The following LRMDA variants were observed in gnomAD, a reference collection of about 807,000 sequenced individuals.
LRMDA encodes the protein leucine rich melanocyte differentiation associated.
Under a neutral mutation model 29.8 loss-of-function variants are expected in LRMDA, and 18 were observed. That is an observed-to-expected ratio of 0.60 (90% confidence interval 0.42 to 0.90). The LOEUF (loss-of-function observed/expected upper bound fraction) is 0.90, where lower values mean the gene tolerates loss of function less well. Ranked by LOEUF, LRMDA falls within the 40% of genes least tolerant of loss-of-function variation. The pLI is 0.00. For missense variants in LRMDA, 273 were observed against 273.9 expected (o/e 1.00, Z 0.02); for synonymous variants, 125 against 109.4 (o/e 1.14, Z -0.89).
At chr10:76,178,200 T>C (rs1158368980) in intron 5 of LRMDA, among the ~76,000 whole-genome samples, 1 of 152,172 alleles carries the variant, frequency 6.6e-6, no homozygotes, top group Non-Finnish European at 1.5e-5. Flanking sequence ...GTGTTGAAAA[T>C]GTAAGCAGGC....
chr10:76,460,509 G>A (rs1267457029), intron 6 of LRMDA, among the ~76,000 whole-genome samples: 1 of 152,228 alleles, frequency 6.6e-6, no homozygotes, highest in Non-Finnish European at 1.5e-5. Flanking sequence ...TGCATGTGGT[G>A]GAGACAGATG....
intron 6 of LRMDA, among the ~76,000 whole-genome samples, chr10:76,435,780 A>T (rs1171063172): frequency 2.6e-5 from 4 of 152,216 alleles, no homozygotes; most frequent in African/African-American, 9.6e-5. Flanking sequence ...AGAAGACATT[A>T]TCCAGAAGCA....
At chr10:75,537,714 G>A (rs1321123624) in intron 2 of LRMDA, among the ~76,000 whole-genome samples, 1 of 152,228 alleles carries the variant, frequency 6.6e-6, no homozygotes, top group Non-Finnish European at 1.5e-5. Context: ...TGACTGGGTG[G>A]AGTGAGTACC....
chr10:75,976,181 C>A (rs769117727), intron 2 of LRMDA, among the ~76,000 whole-genome samples: 3 of 152,262 alleles, frequency 2.0e-5, no homozygotes, highest in Non-Finnish European at 4.4e-5. Flanking sequence ...CCCTGCAGAA[C>A]TCTCTCTACT....
chr10:76,106,284 A>T (rs924382486), intron 5 of LRMDA, among the ~76,000 whole-genome samples: 3 of 152,184 alleles, frequency 2.0e-5, no homozygotes, highest in Non-Finnish European at 2.9e-5. Context: ...GGTATGGTCC[A>T]TTTTTGCAGT....
At chr10:76,196,068 C>G (rs1182778667) in intron 5 of LRMDA, among the ~76,000 whole-genome samples, 1 of 152,154 alleles carries the variant, frequency 6.6e-6, no homozygotes, top group South Asian at 2.1e-4. Context: ...CTAAGAGGAC[C>G]TTTTCATTGT....
At chr10:75,934,682 G>A (rs1347590081) in intron 2 of LRMDA, among the ~76,000 whole-genome samples, 2 of 152,088 alleles carry the variant, frequency 1.3e-5, no homozygotes, top group African/African-American at 4.8e-5. Flanking sequence ...CAGCAGGATG[G>A]GCACTCTCGG....
At chr10:76,153,286 G>T (rs1850480508) in intron 5 of LRMDA, among the ~76,000 whole-genome samples, 1 of 151,996 alleles carries the variant, frequency 6.6e-6, no homozygotes, top group Non-Finnish European at 1.5e-5. Context: ...TGGTTTCTTG[G>T]TAGTATTTCT....
intron 5 of LRMDA, among the ~76,000 whole-genome samples, chr10:76,201,688 T>A (rs1375967688): frequency 6.6e-6 from 1 of 152,202 alleles, no homozygotes; most frequent in Non-Finnish European, 1.5e-5. Context: ...GTGTCAAATA[T>A]TTTTCAGGTC....
intron 2 of LRMDA, among the ~76,000 whole-genome samples, chr10:75,734,312 A>C (rs1246763288): frequency 3.9e-5 from 6 of 152,138 alleles, no homozygotes. Flanking sequence ...CGTAGAGAAA[A>C]CAATCACCGG....
intron 5 of LRMDA, among the ~76,000 whole-genome samples, chr10:76,248,380 A>G (rs1391728286): frequency 4.6e-5 from 7 of 152,214 alleles, no homozygotes. Context: ...TAACATATCT[A>G]GGCAATACTT....
intron 2 of LRMDA, among the ~76,000 whole-genome samples, chr10:75,925,713 C>G (rs537068862): frequency 1.4e-4 from 21 of 145,466 alleles, no homozygotes; most frequent in Non-Finnish European, 2.7e-4. Context: ...AGTGCAGTGA[C>G]ACAGTCTCGG....
At chr10:75,620,344 C>T (rs774449007) in intron 2 of LRMDA, among the ~76,000 whole-genome samples, 6 of 152,190 alleles carry the variant, frequency 3.9e-5, no homozygotes, top group Non-Finnish European at 8.8e-5. Flanking sequence ...GTAGACAGAA[C>T]ATTTCATTAA....
At chr10:75,874,129 T>G (rs1845157721) in intron 2 of LRMDA, among the ~76,000 whole-genome samples, 1 of 152,172 alleles carries the variant, frequency 6.6e-6, no homozygotes, top group South Asian at 2.1e-4. Flanking sequence ...GAAAGAGGCT[T>G]CAATGAAGGG....
intron 2 of LRMDA, among the ~76,000 whole-genome samples, chr10:75,594,238 G>A (rs779931275): frequency 2.0e-5 from 3 of 152,276 alleles, no homozygotes; most frequent in South Asian, 4.2e-4. Flanking sequence ...CTGGGGGACC[G>A]GGATGCTGCT....
At chr10:76,167,909 TTG>T (rs1850769731) in intron 5 of LRMDA, among the ~76,000 whole-genome samples, 1 of 152,190 alleles carries the variant, frequency 6.6e-6, no homozygotes, top group South Asian at 2.1e-4. Flanking sequence ...TTCCATTTGT[TTG>T]TGTCATTTCT....
intron 2 of LRMDA, among the ~76,000 whole-genome samples, chr10:75,881,043 C>G (rs1013081708): frequency 6.6e-6 from 1 of 152,172 alleles, no homozygotes; most frequent in Non-Finnish European, 1.5e-5. Context: ...GTAGCTCTTT[C>G]TAGTGTTCAG....
At chr10:75,961,211 T>G (rs182802975) in intron 2 of LRMDA, among the ~76,000 whole-genome samples, 1 of 152,382 alleles carries the variant, frequency 6.6e-6, no homozygotes. Context: ...TAAAACACTC[T>G]TAATATTTTG....
intron 6 of LRMDA, among the ~76,000 whole-genome samples, chr10:76,341,451 A>G (rs1445989851): frequency 1.3e-5 from 2 of 152,238 alleles, no homozygotes; most frequent in Non-Finnish European, 2.9e-5. Context: ...AACATATCAA[A>G]CTCTGTACCC....
Sources: allele counts gnomAD v4.1 joint callset (sites outside exome capture counted in the v4.1 genomes callset), GRCh38; gene constraint gnomAD v4.1.1; transcripts MANE v1.5; gene names NCBI Gene and HGNC (gene_info 2026-07-23, HGNC 2026-07-21).